ZNF385D: variants seen among roughly 807,000 people sequenced by gnomAD.
The protein encoded by ZNF385D is zinc finger protein 659.
A neutral mutation model predicts 35.8 loss-of-function variants in ZNF385D; 15 were observed. The ratio of observed to expected loss-of-function variants is 0.42; its 90% confidence interval spans 0.28 to 0.64. The LOEUF (loss-of-function observed/expected upper bound fraction) is 0.64. Ranked by LOEUF, ZNF385D falls within the 30% of genes least tolerant of loss-of-function variation. The pLI is 0.23. For missense variants in ZNF385D, 474 were observed against 494.6 expected, an observed-to-expected ratio of 0.96 and a Z score of 0.39; for synonymous variants, 212 against 186.8, an observed-to-expected ratio of 1.13 and a Z score of -1.10.
chr3:21,769,052 T>C (rs975852019), intron 3 of ZNF385D, among the ~76,000 whole-genome samples: 7 of 152,016 alleles, frequency 4.6e-5, no homozygotes, highest in African/African-American at 1.7e-4. Flanking sequence ...CAATACCTAA[T>C]TTATTGAGAG....
chr3:21,476,248 G>T (rs1704237760), intron 4 of ZNF385D, among the ~76,000 whole-genome samples: 2 of 152,048 alleles, frequency 1.3e-5, no homozygotes, highest in South Asian at 2.1e-4. Context: ...CTGGATTTAA[G>T]CATTGTCATC....
Position 22,345,519 on chromosome 3 carries a change from G to A in ZNF385D, c.106+26931C>T, listed in dbSNP as rs117318329. Among the ~76,000 whole-genome samples, 635 of 152,296 alleles carry A rather than the reference G, an allele frequency of 4.2e-3. 9 individuals carry two copies. The East Asian group carries it at 0.049, about 12-fold the overall frequency. On this transcript the variant is annotated intron_variant, in intron 2 of 5. Coordinates refer to the ZNF385D transcript ENST00000494108. Reference sequence around the variant, plus strand: ...ATCCCAAGCACCATTTTAGGCAATGGAGATATACAAGACAGGCACATCCCC... The same window carrying A: ...ATCCCAAGCACCATTTTAGGCAATGAAGATATACAAGACAGGCACATCCCC...
intron 3 of ZNF385D, among the ~76,000 whole-genome samples, chr3:22,012,436 G>T (rs1048164358): frequency 1.3e-4 from 20 of 152,038 alleles, no homozygotes; most frequent in African/African-American, 4.6e-4. Context: ...GTAAAATATT[G>T]CTCAAAACAT....
At chr3:22,059,708 T>G (rs1034627828) in intron 3 of ZNF385D, among the ~76,000 whole-genome samples, 7 of 152,088 alleles carry the variant, frequency 4.6e-5, no homozygotes, top group Non-Finnish European at 8.8e-5. Flanking sequence ...GAGCAGAGAT[T>G]TTTCGATTTT....
At position 21,627,246 on chromosome 3, in the gene ZNF385D, G is replaced by GGTGTGTGTGT. The variant is rs55918045; in HGVS notation, c.165+37630_165+37639dup. ...CTTATGCTGGTTCAAAGAGGTGTAG[G>GGTGTGTGTGT]GTGTGTGTGTGTGTGTGTGTGTGTG... On this transcript the variant is annotated intron_variant, in intron 2 of 7. Coordinates refer to ENST00000281523, the MANE Select transcript of ZNF385D (RefSeq NM_024697.3). Among the ~76,000 whole-genome samples, 418 of 139,496 alleles carry GGTGTGTGTGT rather than the reference G, an allele frequency of 3.0e-3. 2 individuals are homozygous for GGTGTGTGTGT. The highest frequency in any genetic ancestry group is 6.8e-3 in the African/African-American group (248 of 36,398). 91.5% of individuals were successfully genotyped at this position (139,496 alleles called of 152,430 possible).
At chr3:22,336,169 A>C (rs1695151708) in intron 2 of ZNF385D, among the ~76,000 whole-genome samples, 1 of 152,114 alleles carries the variant, frequency 6.6e-6, no homozygotes, top group Non-Finnish European at 1.5e-5. Flanking sequence ...TAAAACTGTT[A>C]ACTTGAAGTG....
chr3:21,805,075 C>G (rs1429451164), intron 3 of ZNF385D, among the ~76,000 whole-genome samples: 2 of 152,080 alleles, frequency 1.3e-5, no homozygotes, highest in African/African-American at 2.4e-5. Flanking sequence ...TTTCCGCTTT[C>G]AAACTATTAA....
chr3:22,214,946 A>G (rs1324092867), intron 2 of ZNF385D, among the ~76,000 whole-genome samples: 1 of 151,922 alleles, frequency 6.6e-6, no homozygotes, highest in Non-Finnish European at 1.5e-5. Flanking sequence ...TTTGAAAATG[A>G]CTAATAAAAC....
At chr3:21,836,576 A>G (rs1005208941) in intron 3 of ZNF385D, among the ~76,000 whole-genome samples, 1 of 152,134 alleles carries the variant, frequency 6.6e-6, no homozygotes, top group East Asian at 1.9e-4. Context: ...GGAGCCAGAT[A>G]GATAGTAAGC....
At chr3:22,300,213 T>G (rs541834277) in intron 2 of ZNF385D, among the ~76,000 whole-genome samples, 1 of 152,048 alleles carries the variant, frequency 6.6e-6, no homozygotes, top group South Asian at 2.1e-4. Context: ...GAAAGAACAG[T>G]CTCATCAATA....
chr3:22,039,613 T>G (rs1200059468), intron 3 of ZNF385D, among the ~76,000 whole-genome samples: 2 of 152,090 alleles, frequency 1.3e-5, no homozygotes, highest in Admixed American at 1.3e-4. Context: ...ACCTACAAAA[T>G]GACAATTTCA....
At chr3:21,639,367 G>A (rs912043248) in intron 2 of ZNF385D, among the ~76,000 whole-genome samples, 1 of 151,936 alleles carries the variant, frequency 6.6e-6, no homozygotes, top group Non-Finnish European at 1.5e-5. Flanking sequence ...TACATAGTAA[G>A]TATCCAATAA....
chr3:22,091,166 C>G (rs1701313017), intron 3 of ZNF385D, among the ~76,000 whole-genome samples: 1 of 152,108 alleles, frequency 6.6e-6, no homozygotes, highest in Non-Finnish European at 1.5e-5. Context: ...GCAGGTGGCT[C>G]TAACAACTAA....
chr3:22,096,101 A>G (rs1209603367), intron 3 of ZNF385D, among the ~76,000 whole-genome samples: 1 of 151,174 alleles, frequency 6.6e-6, no homozygotes, highest in Non-Finnish European at 1.5e-5. Context: ...TAAATTGAGA[A>G]CGGAATGTTC....
intron 1 of ZNF385D, among the ~76,000 whole-genome samples, chr3:21,708,235 C>T (rs2067978068): frequency 1.3e-5 from 2 of 152,184 alleles, no homozygotes; most frequent in Admixed American, 6.5e-5. Flanking sequence ...CTCAAATGGG[C>T]AGCAGCAGTA....
intron 2 of ZNF385D, among the ~76,000 whole-genome samples, chr3:22,211,716 G>A (rs945869267): frequency 6.6e-6 from 1 of 151,912 alleles, no homozygotes; most frequent in African/African-American, 2.4e-5. Flanking sequence ...ATGATGGTGG[G>A]GCAGAGAGTG....
At chr3:21,713,162 A>T (rs1235398620) in intron 1 of ZNF385D, among the ~76,000 whole-genome samples, 1 of 152,196 alleles carries the variant, frequency 6.6e-6, no homozygotes, top group African/African-American at 2.4e-5. Flanking sequence ...ACACCCACAC[A>T]TGTGGAGTTA....
chr3:21,511,167 T>C, intron 3 of ZNF385D, 144 bp from the exon 4 acceptor site: 1 of 942,432 alleles, frequency 1.1e-6, no homozygotes, highest in South Asian at 1.7e-5. Flanking sequence ...GGGTTCTATT[T>C]AGAATGATGC....
chr3:21,714,959 G>T (rs771081417), intron 1 of ZNF385D, among the ~76,000 whole-genome samples: 12 of 152,238 alleles, frequency 7.9e-5, no homozygotes, highest in East Asian at 1.9e-4. Flanking sequence ...GATGCCCTTG[G>T]CAAGAACAGC....
Sources: allele counts gnomAD v4.1 joint callset (sites outside exome capture counted in the v4.1 genomes callset), GRCh38; gene constraint gnomAD v4.1.1; transcripts MANE v1.5; gene names NCBI Gene and HGNC (gene_info 2026-07-23, HGNC 2026-07-21).